Variants in FBXO4 observed in about 807,000 individuals in gnomAD.
The protein encoded by FBXO4 is F-box protein 4, also known as F-box only protein 4.
In FBXO4, 36 loss-of-function variants were observed where a neutral mutation model predicts 43.7. The observed-to-expected ratio is 0.82, with a 90% CI of 0.63 to 1.09. The LOEUF (loss-of-function observed/expected upper bound fraction) is 1.09. Ranked by LOEUF, FBXO4 falls within the 50% of genes least tolerant of loss-of-function variation. FBXO4 has a pLI of 0.00. For synonymous variants in FBXO4, 180 were observed against 165.6 expected (o/e 1.09, Z -0.67); for missense variants, 435 against 474.1 (o/e 0.92, Z 0.77).
Position 41,925,319 on chromosome 5 carries a change from A to G in FBXO4, c.10A>G (p.Ser4Gly), listed in dbSNP as rs1194551215. 1.3e-5 allele frequency: 17 copies of G among 1,342,508 alleles called. No homozygotes were observed. The highest frequency in any genetic ancestry group is 1.6e-5 in the Non-Finnish European group (17 of 1,041,548). The allele number at this position is 1,342,508 out of a possible 1,614,324, so 83.2% of individuals were successfully genotyped here. Residue 4 changes from serine to glycine, a missense_variant, in exon 1 of 7, where the codon AGC becomes GGC. By Grantham distance (56) the Ser-to-Gly change is moderately conservative (BLOSUM62 0). Coordinates refer to ENST00000281623, the MANE Select transcript of FBXO4 (RefSeq NM_012176.3). ...ACGCTGCGGGCAAGCCATGGCGGGAAGCGAGCCGCGCAGCGGAACAAACTC... is the reference window on the plus strand; with the variant it reads ...ACGCTGCGGGCAAGCCATGGCGGGAGGCGAGCCGCGCAGCGGAACAAACTC... Reference protein sequence around the residue: MAGSEPRSGTNSPP... With the variant: MAGGEPRSGTNSPP...
At chr5:41,988,373 A>G in the FBXO4 span, among the ~76,000 whole-genome samples, 1 of 152,128 alleles carries the variant, frequency 6.6e-6, no homozygotes, top group Non-Finnish European at 1.5e-5. Context: ...AATGCTCTTC[A>G]TCTTTCTTGA....
chr5:41,990,480 T>C, the FBXO4 span, among the ~76,000 whole-genome samples: 1 of 152,174 alleles, frequency 6.6e-6, no homozygotes, highest in Non-Finnish European at 1.5e-5. Flanking sequence ...GAAAATATAT[T>C]GGTAGTGGGA....
chr5:42,027,655 C>T, the FBXO4 span, among the ~76,000 whole-genome samples: 1 of 151,384 alleles, frequency 6.6e-6, no homozygotes, highest in Non-Finnish European at 1.5e-5. Flanking sequence ...GAAGTTTTTC[C>T]TGTTTTTTGA....
At chr5:41,937,114 C>T (rs965490420) in intron 5 of FBXO4, among the ~76,000 whole-genome samples, 15 of 152,176 alleles carry the variant, frequency 9.9e-5, no homozygotes, top group East Asian at 9.7e-4. Flanking sequence ...AATTTTTGAA[C>T]AGATAATGGC....
chr5:41,967,138 T>G, the FBXO4 span: 1 of 373,790 alleles, frequency 2.7e-6, no homozygotes, highest in Non-Finnish European at 5.3e-6. Context: ...ACACAAGAGT[T>G]AGTTAGTGGC....
chr5:42,007,633 T>C, the FBXO4 span, among the ~76,000 whole-genome samples: 1 of 152,160 alleles, frequency 6.6e-6, no homozygotes. Context: ...ATTCCAATAG[T>C]TCTAATGCAA....
the FBXO4 span, among the ~76,000 whole-genome samples, chr5:41,977,869 C>T: frequency 6.6e-6 from 1 of 152,210 alleles, no homozygotes; most frequent in Non-Finnish European, 1.5e-5. Flanking sequence ...CATTGCTCAG[C>T]TCCAAAGCTG....
intron 3 of FBXO4, among the ~76,000 whole-genome samples, chr5:41,930,643 T>A (rs1212343449): frequency 6.6e-6 from 1 of 151,494 alleles, no homozygotes; most frequent in Non-Finnish European, 1.5e-5. Flanking sequence ...CAGCGAGAAC[T>A]ACATTTTTTT....
At chr5:42,032,574 C>G in the FBXO4 span, among the ~76,000 whole-genome samples, 1 of 152,274 alleles carries the variant, frequency 6.6e-6, no homozygotes, top group East Asian at 1.9e-4. Flanking sequence ...GCTAAGGTCT[C>G]TTAAGTCAGC....
rs1027893002 is a variant in FBXO4 at position 41,925,578 on chromosome 5, T to C, written c.189+80T>C. 6 of 1,118,610 alleles carry C rather than the reference T, an allele frequency of 5.4e-6. No homozygotes were observed. In the African/African-American group the frequency reaches 8.1e-5, roughly 15 times the overall value. The allele number at this position is 1,118,610 out of a possible 1,614,324, so 69.3% of individuals were successfully genotyped here. The stretch of plus-strand genomic sequence containing the variant: ...ACCTCCCCTGGAGCCCCCCGGGGCC[T>C]GGGGAACTCTCGCGCCCCGGCCTGG... On this transcript the variant is annotated intron_variant, in intron 1 of 6. Transcript: ENST00000281623.
chr5:41,999,556 T>C, the FBXO4 span, among the ~76,000 whole-genome samples: 1 of 127,186 alleles, frequency 7.9e-6, no homozygotes, highest in African/African-American at 3.6e-5. Context: ...TATATATATA[T>C]ATATATGTAT....
chr5:41,964,593 T>G, the FBXO4 span, among the ~76,000 whole-genome samples: 1 of 45,524 alleles, frequency 2.2e-5, no homozygotes, highest in Admixed American at 2.9e-4. Context: ...AAGCCAAGTG[T>G]TTTTTTTTTT....
the FBXO4 span, among the ~76,000 whole-genome samples, chr5:41,965,000 G>A: frequency 6.6e-6 from 1 of 152,036 alleles, no homozygotes; most frequent in African/African-American, 2.4e-5. Flanking sequence ...TTTCTTCTAG[G>A]GTTTTTATGG....
the FBXO4 span, among the ~76,000 whole-genome samples, chr5:41,947,094 C>T: frequency 6.6e-6 from 1 of 152,076 alleles, no homozygotes; most frequent in Non-Finnish European, 1.5e-5. Flanking sequence ...TCCAACAGAA[C>T]ACAAAGAGCC....
chr5:41,988,523 C>A, the FBXO4 span, among the ~76,000 whole-genome samples: 1 of 152,052 alleles, frequency 6.6e-6, no homozygotes, highest in East Asian at 1.9e-4. Context: ...GATGACTGGG[C>A]CCCCTGGATG....
chr5:42,040,294 T>G, the FBXO4 span, among the ~76,000 whole-genome samples: 5 of 152,104 alleles, frequency 3.3e-5, no homozygotes, highest in Admixed American at 6.6e-5. Flanking sequence ...GGTATAAGCT[T>G]CATAAGTGCA....
At chr5:41,997,309 G>A in the FBXO4 span, among the ~76,000 whole-genome samples, 1 of 152,206 alleles carries the variant, frequency 6.6e-6, no homozygotes, top group African/African-American at 2.4e-5. Flanking sequence ...GGCCAAATGA[G>A]AGAATTGAAT....
the FBXO4 span, among the ~76,000 whole-genome samples, chr5:41,958,055 C>T: frequency 6.6e-6 from 1 of 151,628 alleles, no homozygotes; most frequent in African/African-American, 2.4e-5. Flanking sequence ...ATGGCTAAAT[C>T]AAGCTATTTA....
intron 3 of FBXO4, among the ~76,000 whole-genome samples, chr5:41,932,994 A>G (rs545142600): frequency 2.6e-4 from 40 of 152,214 alleles, no homozygotes; most frequent in Non-Finnish European, 5.7e-4. Flanking sequence ...CTTGTGGTTT[A>G]CTAGTCACCC....
Sources: gnomAD v4.1 joint callset for allele counts (sites outside exome capture counted in the v4.1 genomes callset) on GRCh38, gnomAD v4.1.1 for gene constraint, MANE v1.5 for transcripts, NCBI Gene and HGNC (gene_info 2026-07-23, HGNC 2026-07-21) for gene names.